NALF1: variants seen among roughly 807,000 people sequenced by gnomAD.
NALF1 encodes the protein NALCN channel auxiliary factor 1, also known as family with sequence similarity 155 member A.
Under a neutral mutation model 48.4 loss-of-function variants are expected in NALF1, and 3 were observed. That is an observed-to-expected ratio of 0.06 (90% CI 0.03 to 0.16). The LOEUF (loss-of-function observed/expected upper bound fraction) is 0.16. Ranked by LOEUF, NALF1 falls within the 10% of genes least tolerant of loss-of-function variation. The pLI, the probability that NALF1 is intolerant of heterozygous loss-of-function variation, is 1.00. For synonymous variants in NALF1, 262 were observed against 245.7 expected, an observed-to-expected ratio of 1.07 and a Z score of -0.62; for missense variants, 526 against 571.5, an observed-to-expected ratio of 0.92 and a Z score of 0.81.
intron 1 of NALF1, among the ~76,000 whole-genome samples, chr13:107,321,968 T>C (rs1882264305): frequency 6.6e-6 from 1 of 152,116 alleles, no homozygotes; most frequent in African/African-American, 2.4e-5. Context: ...AACCCCTTAG[T>C]TTCTGGTTTG....
intron 1 of NALF1, among the ~76,000 whole-genome samples, chr13:107,234,958 G>A (rs896435364): frequency 7.2e-5 from 11 of 152,010 alleles, no homozygotes; most frequent in Non-Finnish European, 7.4e-5. Context: ...CAGCTCCCAT[G>A]CCCCACCGCC....
At chr13:107,475,240 A>G (rs1173601864) in intron 1 of NALF1, among the ~76,000 whole-genome samples, 1 of 152,242 alleles carries the variant, frequency 6.6e-6, no homozygotes, top group Non-Finnish European at 1.5e-5. Context: ...GCACTCTTCA[A>G]TTCTGCGTAT....
chr13:107,824,889 A>G (rs1051527884), intron 1 of NALF1, among the ~76,000 whole-genome samples: 2 of 152,182 alleles, frequency 1.3e-5, no homozygotes, highest in African/African-American at 4.8e-5. Context: ...TTGCCACTTC[A>G]CTGGCCAATG....
chr13:107,359,036 C>A lies in NALF1; in HGVS notation c.916-148281G>T, dbSNP rs117381399. ...CCTTTAATCTTATATTCTCTACTAT[C>A]AGGGAAGCTTTCATTCCAGGCCAGC... On this transcript the variant is annotated intron_variant, in intron 1 of 2. Coordinates refer to ENST00000375915, the MANE Select transcript of NALF1 (RefSeq NM_001080396.3). Among the ~76,000 whole-genome samples the A allele has an allele frequency of 3.3e-3, 497 of 152,294 alleles. 2 individuals are homozygous for A. The highest frequency in any genetic ancestry group is 4.9e-3 in the Non-Finnish European group (330 of 67,996).
intron 1 of NALF1, among the ~76,000 whole-genome samples, chr13:107,491,159 T>C (rs972434879): frequency 6.6e-6 from 1 of 152,144 alleles, no homozygotes; most frequent in Admixed American, 6.6e-5. Flanking sequence ...GAACACCTAG[T>C]TGAGATGGAA....
chr13:107,802,497 C>T (rs73585701), intron 1 of NALF1, among the ~76,000 whole-genome samples: 4,196 of 152,110 alleles, frequency 0.028, 185 homozygotes, highest in African/African-American at 0.095. Context: ...TGCAATTTTA[C>T]AAATCTTAGA....
chr13:107,794,305 G>T (rs1878341258), intron 1 of NALF1, among the ~76,000 whole-genome samples: 2 of 152,046 alleles, frequency 1.3e-5, no homozygotes, highest in African/African-American at 4.8e-5. Flanking sequence ...CTAAACCAGG[G>T]TTATTTTCCT....
chr13:107,378,004 GAT>G (rs1245528057), intron 1 of NALF1, among the ~76,000 whole-genome samples: 6 of 152,106 alleles, frequency 3.9e-5, no homozygotes, highest in Non-Finnish European at 7.4e-5. Context: ...GCTCTTATCA[GAT>G]ATGATTTCTT....
At chr13:107,354,386 G>A (rs891114231) in intron 1 of NALF1, among the ~76,000 whole-genome samples, 1 of 152,048 alleles carries the variant, frequency 6.6e-6, no homozygotes, top group Admixed American at 6.5e-5. Flanking sequence ...AAAAAACTCA[G>A]AAACCTGGGG....
intron 1 of NALF1, among the ~76,000 whole-genome samples, chr13:107,608,583 A>AT (rs1353331948): frequency 6.6e-6 from 1 of 152,184 alleles, no homozygotes; most frequent in Non-Finnish European, 1.5e-5. Context: ...TAGCTTCCTG[A>AT]TTGGGTGGTT....
At chr13:107,414,436 TA>T (rs1274180130) in intron 1 of NALF1, among the ~76,000 whole-genome samples, 2 of 151,112 alleles carry the variant, frequency 1.3e-5, no homozygotes, top group African/African-American at 4.8e-5. Context: ...ATTTGTAGGC[TA>T]TTTTTTTCTT....
chr13:107,290,591 C>T (rs1394039234), intron 1 of NALF1, among the ~76,000 whole-genome samples: 1 of 152,102 alleles, frequency 6.6e-6, no homozygotes, highest in East Asian at 1.9e-4. Context: ...GTGAGGCCTC[C>T]CCAGCCATGT....
intron 1 of NALF1, among the ~76,000 whole-genome samples, chr13:107,511,648 C>T (rs1162557802): frequency 6.6e-6 from 1 of 152,062 alleles, no homozygotes; most frequent in Non-Finnish European, 1.5e-5. Flanking sequence ...AATGGAGAAA[C>T]TGAGGCAGGG....
At chr13:107,345,747 ACT>A (rs1304687512) in intron 1 of NALF1, among the ~76,000 whole-genome samples, 2 of 152,218 alleles carry the variant, frequency 1.3e-5, no homozygotes, top group East Asian at 1.9e-4. Flanking sequence ...ATTAACTGTA[ACT>A]CTGAAAGCAC....
chr13:107,753,907 A>G (rs1877010856), intron 1 of NALF1, among the ~76,000 whole-genome samples: 1 of 152,168 alleles, frequency 6.6e-6, no homozygotes, highest in South Asian at 2.1e-4. Flanking sequence ...AGATGAGAAA[A>G]GAGTGATAAC....
At chr13:107,191,504 T>C (rs1212358828) in intron 2 of NALF1, among the ~76,000 whole-genome samples, 1 of 152,154 alleles carries the variant, frequency 6.6e-6, no homozygotes, top group African/African-American at 2.4e-5. Context: ...TGAGAAAATT[T>C]TTAAAAAATG....
rs775858603 is a variant in NALF1 at position 107,865,942 on chromosome 13, A to C, written c.655T>G (p.Ser219Ala). ...SKHPTPLWNL[S>A]DFYLSFCNSY... ...TTACAAAACGAAAGGTAAAAATCCG[A>C]CAAGTTCCAGAGCGGAGTGGGATGC... The change falls in exon 1 of 3, where the codon TCG (serine) becomes GCG (alanine). Residue 219 changes from serine to alanine, a missense_variant. By Grantham distance (99) the Ser-to-Ala change is moderately conservative. Coordinates refer to ENST00000375915, the MANE Select transcript of NALF1 (RefSeq NM_001080396.3). 4.3e-6 allele frequency: 7 copies of C among 1,613,766 alleles called. No homozygotes were observed. The East Asian group carries it at 1.6e-4, about 36-fold the overall frequency.
intron 1 of NALF1, among the ~76,000 whole-genome samples, chr13:107,292,376 T>A (rs183407299): frequency 1.3e-5 from 2 of 152,314 alleles, no homozygotes; most frequent in African/African-American, 2.4e-5. Context: ...TTTTTTAAAC[T>A]TTTTTTCTCT....
At chr13:107,323,221 T>A (rs2138915858) in intron 1 of NALF1, among the ~76,000 whole-genome samples, 1 of 152,282 alleles carries the variant, frequency 6.6e-6, no homozygotes, top group African/African-American at 2.4e-5. Flanking sequence ...ATAGAACTTC[T>A]GATTAGTGTG....
Sources: allele counts gnomAD v4.1 joint callset (sites outside exome capture counted in the v4.1 genomes callset), GRCh38; gene constraint gnomAD v4.1.1; transcripts MANE v1.5; gene names NCBI Gene and HGNC (gene_info 2026-07-23, HGNC 2026-07-21).